NHSL1: variants seen among roughly 807,000 people sequenced by gnomAD.
The protein encoded by NHSL1 is NHS-like protein 1.
Under a neutral mutation model 95.0 loss-of-function variants are expected in NHSL1, and 48 were observed. The observed-to-expected ratio is 0.51, with a 90% CI of 0.40 to 0.64. The LOEUF is 0.64. NHSL1 is among the 30% of genes least tolerant of loss of function. NHSL1 has a pLI of 0.00. For synonymous variants in NHSL1, 783 were observed against 833.9 expected, an observed-to-expected ratio of 0.94 and a Z score of 1.05; for missense variants, 1,971 against 2,077.7, an observed-to-expected ratio of 0.95 and a Z score of 1.00.
At chr6:138,576,044 C>T (rs558292946), upstream of NHSL1, among the ~76,000 whole-genome samples, 7 of 152,040 alleles carry the variant, frequency 4.6e-5, no homozygotes, top group African/African-American at 1.7e-4. Context: ...CAGGCCAGAG[C>T]GCAGTGGCGC....
intron 1 of NHSL1, among the ~76,000 whole-genome samples, chr6:138,596,777 G>A (rs1583440708): frequency 6.6e-6 from 1 of 151,982 alleles, no homozygotes; most frequent in Admixed American, 6.6e-5. Context: ...GGGTGGGGGG[G>A]AAGTTCTGAA....
At chr6:138,428,761 G>T (rs543659117) in intron 7 of NHSL1, among the ~76,000 whole-genome samples, 1 of 152,164 alleles carries the variant, frequency 6.6e-6, no homozygotes, top group African/African-American at 2.4e-5. Flanking sequence ...AGAATCAAAT[G>T]ATTCTACAGG....
rs559707322 is a variant in NHSL1, at chr6:138,452,838, C to T, written c.340-5645G>A. Reference sequence around the variant, plus strand: ...GTGCATTCTTTTTTTTTTCTCCTGGCGCCAACAACAACAGAAAAAGTGGGG... The same window carrying T: ...GTGCATTCTTTTTTTTTTCTCCTGGTGCCAACAACAACAGAAAAAGTGGGG... On this transcript the variant is annotated intron_variant, in intron 3 of 7. Transcript: ENST00000343505. Among the ~76,000 whole-genome samples the T allele has an allele frequency of 2.7e-5, 4 of 150,484 alleles. No individual in the cohort carries two copies. In the East Asian group the frequency reaches 5.8e-4, roughly 22 times the overall value.
intron 3 of NHSL1, among the ~76,000 whole-genome samples, chr6:138,468,788 T>C (rs535842097): frequency 6.6e-6 from 1 of 152,322 alleles, no homozygotes; most frequent in East Asian, 1.9e-4. Flanking sequence ...ATTTGTACAA[T>C]GACCAATCAC....
intron 1 of NHSL1, among the ~76,000 whole-genome samples, chr6:138,526,743 C>T (rs1261271245): frequency 6.6e-6 from 1 of 152,092 alleles, no homozygotes; most frequent in Non-Finnish European, 1.5e-5. Context: ...TTTCCCTCTG[C>T]ATATAGTTTT....
chr6:138,661,920 A>G (rs1012842118), intron 1 of NHSL1, among the ~76,000 whole-genome samples: 2 of 152,040 alleles, frequency 1.3e-5, no homozygotes, highest in Non-Finnish European at 2.9e-5. Context: ...AAAATTAGAA[A>G]ATAATTAGCC....
At chr6:138,679,342 T>C (rs547969441) in intron 1 of NHSL1, among the ~76,000 whole-genome samples, 11 of 152,132 alleles carry the variant, frequency 7.2e-5, no homozygotes, top group Non-Finnish European at 1.6e-4. Context: ...ATTAGACCAA[T>C]AGGCATGCTG....
chr6:138,633,042 GA>G (rs961884850), intron 1 of NHSL1, among the ~76,000 whole-genome samples: 1 of 152,102 alleles, frequency 6.6e-6, no homozygotes, highest in African/African-American at 2.4e-5. Flanking sequence ...AAATTCTGGA[GA>G]TAAAAAATGC....
intron 3 of NHSL1, chr6:138,470,532 C>G (rs931610762): frequency 6.6e-6 from 1 of 152,342 alleles, no homozygotes; most frequent in African/African-American, 2.4e-5. Flanking sequence ...TTCAAGTGAT[C>G]TGGCCACCGT....
At chr6:138,523,032 C>A (rs1390162890) in intron 1 of NHSL1, among the ~76,000 whole-genome samples, 1 of 151,290 alleles carries the variant, frequency 6.6e-6, no homozygotes, top group Non-Finnish European at 1.5e-5. Context: ...CCCACCCCCA[C>A]CCTTTCATGA....
chr6:138,645,894 G>C (rs1220679573), intron 1 of NHSL1, among the ~76,000 whole-genome samples: 1 of 152,114 alleles, frequency 6.6e-6, no homozygotes, highest in Non-Finnish European at 1.5e-5. Flanking sequence ...AATTTAAAAG[G>C]TGTCTGGCAG....
chr6:138,438,887 T>C (rs762226381), intron 5 of NHSL1, among the ~76,000 whole-genome samples: 1 of 152,070 alleles, frequency 6.6e-6, no homozygotes, highest in East Asian at 1.9e-4. Flanking sequence ...GTGTTATATA[T>C]ATATATCAAC....
intron 1 of NHSL1, among the ~76,000 whole-genome samples, chr6:138,597,731 T>G (rs6926314): frequency 0.012 from 1,777 of 152,316 alleles, 25 homozygotes; most frequent in African/African-American, 0.041. Flanking sequence ...GCAATGAATA[T>G]GAAAAGGTAA....
intron 1 of NHSL1, among the ~76,000 whole-genome samples, chr6:138,649,102 C>A (rs752431979): frequency 6.6e-6 from 1 of 152,120 alleles, no homozygotes; most frequent in Non-Finnish European, 1.5e-5. Flanking sequence ...AAAGTGTATA[C>A]GCTACACTTC....
upstream of NHSL1, among the ~76,000 whole-genome samples, chr6:138,547,796 TA>T (rs749184318): frequency 4.6e-5 from 7 of 152,232 alleles, no homozygotes; most frequent in Non-Finnish European, 1.0e-4. Flanking sequence ...ACCAGCTGAT[TA>T]GCCTCTTCCA....
intron 1 of NHSL1, among the ~76,000 whole-genome samples, chr6:138,659,123 C>G (rs1785193938): frequency 6.8e-6 from 1 of 146,664 alleles, no homozygotes; most frequent in Admixed American, 7.0e-5. Context: ...GATCTTGGCT[C>G]ACTGCAACCT....
rs1457490322 is a variant in NHSL1 at position 138,422,723 on chromosome 6, T to G, written c.*1358A>C. On this transcript the variant is annotated 3_prime_UTR_variant, in exon 8 of 8. Transcript: ENST00000343505. ...ATGTCTAAAATTGTTGAAAATCTGA[T>G]TGGAGAAGATTAGAAGTAATTAGCA... 1 of 152,172 alleles carries G rather than the reference T, an allele frequency of 6.6e-6. No homozygotes were observed. The highest frequency in any genetic ancestry group is 1.5e-5 in the Non-Finnish European group (1 of 68,028). The allele number at this position is 152,172 out of a possible 1,614,324, so 9.4% of individuals were successfully genotyped here. A position where few individuals can be genotyped will look rare whatever the true frequency, so the allele number is the denominator to read the frequency against.
chr6:138,447,173 T>G lies in NHSL1; in HGVS notation c.360A>C (p.Glu120Asp). ...TDQKCSLSSS[E>D]EERFISIRRP... ...TCCTGATGGAAATAAATCTTTCTTCTTCTGATGAAGACAGAGAACACTGCA... is the reference window on the plus strand; with the variant it reads ...TCCTGATGGAAATAAATCTTTCTTCGTCTGATGAAGACAGAGAACACTGCA... The change falls in exon 4 of 8, where the codon GAA becomes GAC. Residue 120 changes from glutamate (E) to aspartate (D), a missense_variant. Physicochemically the swap from Glu to Asp is conservative, Grantham distance 45 (BLOSUM62 2). This residue lies in a region of NHSL1 where 1,602 missense variants were observed against 1,654.5 expected (regional missense o/e 0.97). Coordinates refer to ENST00000343505, the MANE Select transcript of NHSL1 (RefSeq NM_001144060.2). 3 of 1,551,106 alleles carry G rather than the reference T, an allele frequency of 1.9e-6. No individual in the cohort carries two copies. Among genetic ancestry groups the G allele is most frequent in the Non-Finnish European group, 2.6e-6 (3 of 1,146,882 alleles).
At chr6:138,675,128 T>C (rs1785432147) in intron 1 of NHSL1, among the ~76,000 whole-genome samples, 1 of 151,682 alleles carries the variant, frequency 6.6e-6, no homozygotes, top group Non-Finnish European at 1.5e-5. Context: ...CAGATAGAAA[T>C]GTTCTGCTTA....
Sources: allele counts gnomAD v4.1 joint callset (sites outside exome capture counted in the v4.1 genomes callset), GRCh38; gene constraint gnomAD v4.1.1; regional missense constraint gnomAD v4.1.1; transcripts MANE v1.5; gene names NCBI Gene and HGNC (gene_info 2026-07-23, HGNC 2026-07-21).